The following TMPRSS3 variants were observed in gnomAD, a reference collection of about 807,000 sequenced individuals.
TMPRSS3 encodes transmembrane serine protease 3.
A neutral mutation model predicts 59.6 loss-of-function variants in TMPRSS3; 55 were observed. The ratio of observed to expected loss-of-function variants is 0.92; its 90% CI spans 0.74 to 1.16. TMPRSS3 has a LOEUF of 1.16. Among genes scored for constraint, TMPRSS3 ranks in the 50% most tolerant of loss-of-function variants. The pLI is 0.00. For missense variants in TMPRSS3, 596 were observed against 579.4 expected (o/e 1.03, Z -0.29); for synonymous variants, 257 against 237.7 (o/e 1.08, Z -0.75).
At chr21:42,382,446 C>T in intron 8 of TMPRSS3, 1 of 592,854 alleles carries the variant, frequency 1.7e-6, no homozygotes, top group South Asian at 1.9e-5. Context: ...CCAGACCTCA[C>T]TCTCAGCACC....
chr21:42,374,195 A>G (rs1375969725), intron 12 of TMPRSS3, among the ~76,000 whole-genome samples: 2 of 152,162 alleles, frequency 1.3e-5, no homozygotes, highest in Admixed American at 6.5e-5. Context: ...TTTATACTGA[A>G]GAGCATAGCA....
At position 42,389,959 on chromosome 21, in the gene TMPRSS3, G is replaced by T; in HGVS notation, c.173C>A (p.Ala58Glu). The T allele has an allele frequency of 6.2e-7, 1 of 1,613,930 alleles. No individual in the cohort carries two copies. The highest frequency in any genetic ancestry group is 8.5e-7 in the Non-Finnish European group (1 of 1,179,762). The change falls in exon 3 of 13, where the codon GCA becomes GAA. Residue 58 changes from alanine to glutamate, a missense_variant. Ala to Glu is a moderately radical substitution (Grantham distance 107, BLOSUM62 -1). Coordinates refer to ENST00000644384, the MANE Select transcript of TMPRSS3 (RefSeq NM_001256317.3). ...ACCAATGGCCAGTGCTAATATCAATGCAATGATCCCAATGACGATGATTGG... is the reference window on the plus strand; with the variant it reads ...ACCAATGGCCAGTGCTAATATCAATTCAATGATCCCAATGACGATGATTGG... The part of the protein sequence containing the change: ...FFPIIVIGII[A>E]LILALAIGLG...
At chr21:42,380,291 C>A (rs1477357836) in intron 9 of TMPRSS3, 79 bp from the exon 10 acceptor site, 1 of 1,174,004 alleles carries the variant, frequency 8.5e-7, no homozygotes, top group African/African-American at 1.5e-5. Flanking sequence ...GCTTCTGCCT[C>A]TGAGGAGCCC....
intron 7 of TMPRSS3, chr21:42,383,489 G>T (rs541021784): frequency 2.4e-4 from 135 of 554,084 alleles, no homozygotes; most frequent in Admixed American, 1.3e-3. Flanking sequence ...TTCCCCCAGT[G>T]ATGACAACAC....
chr21:42,383,525 A>G, intron 7 of TMPRSS3: 1 of 521,970 alleles, frequency 1.9e-6, no homozygotes, highest in Non-Finnish European at 3.5e-6. Context: ...GCAGGCAGGA[A>G]CCTTCTGCAG....
chr21:42,378,027 G>C (rs958185597), intron 10 of TMPRSS3, among the ~76,000 whole-genome samples: 2 of 152,246 alleles, frequency 1.3e-5, no homozygotes, highest in Non-Finnish European at 2.9e-5. Flanking sequence ...TCCGGAATGA[G>C]AGCCCACCAT....
At chr21:42,391,802 T>A (rs1358117889) in intron 2 of TMPRSS3, among the ~76,000 whole-genome samples, 15 of 152,140 alleles carry the variant, frequency 9.9e-5, no homozygotes, top group Admixed American at 9.8e-4. Context: ...CAGGCTAAAT[T>A]TTGGCTTGCA....
chr21:42,376,124 C>T (rs1048561938), intron 11 of TMPRSS3, among the ~76,000 whole-genome samples: 3 of 152,190 alleles, frequency 2.0e-5, no homozygotes, highest in Admixed American at 2.0e-4. Flanking sequence ...AGACCCTGAC[C>T]CTCTGAAGCT....
chr21:42,385,052 C>CCTTCCTCCCTCT (rs2052607515), intron 6 of TMPRSS3, among the ~76,000 whole-genome samples: 4 of 125,408 alleles, frequency 3.2e-5, no homozygotes, highest in Non-Finnish European at 6.8e-5. Context: ...TCCCTCCCTT[C>CCTTCCTCCCTCT]CTTCCTCCCT....
chr21:42,380,048 G>A (rs1352995948), intron 10 of TMPRSS3, 69 bp downstream of exon 10: 2 of 1,334,270 alleles, frequency 1.5e-6, no homozygotes, highest in African/African-American at 1.4e-5. Flanking sequence ...GGGACATTGG[G>A]GGAGCCCCCT....
At chr21:42,383,330 G>T in intron 7 of TMPRSS3, 132 bp from the exon 8 acceptor site, 1 of 968,520 alleles carries the variant, frequency 1.0e-6, no homozygotes, top group South Asian at 1.5e-5. Context: ...GCAGCTCTAA[G>T]ACAAGTGCTG....
Position 42,388,416 on chromosome 21 carries a change from G to C in TMPRSS3, c.433C>G (p.Leu145Val). The change falls in exon 5 of 13, where the codon CTG (leucine) becomes GTG (valine). Residue 145 changes from leucine (L) to valine (V), a missense_variant. Coordinates refer to ENST00000644384, the MANE Select transcript of TMPRSS3 (RefSeq NM_001256317.3). The surrounding 1 kb of genome is among the most constrained non-coding windows in gnomAD (Gnocchi z 5.1). Reference sequence around the variant, plus strand: ...TCTTTAACTTACCTTGGGAAACCCAGTTGGGCACAGGCAACATTTGCGTAG... The same window carrying C: ...TCTTTAACTTACCTTGGGAAACCCACTTGGGCACAGGCAACATTTGCGTAG... ...GHYANVACAQ[L>V]GFPSYVSSDN... 6.2e-7 allele frequency: 1 copy of C among 1,614,248 alleles called. No individual in the cohort carries two copies. The highest frequency in any genetic ancestry group is 8.5e-7 in the Non-Finnish European group (1 of 1,180,050).
At chr21:42,380,261 G>T in intron 9 of TMPRSS3, 49 bp from the exon 10 acceptor site, 3 of 1,481,036 alleles carry the variant, frequency 2.0e-6, no homozygotes, top group South Asian at 1.2e-5. Context: ...GCAGGAGTCC[G>T]AGAAAACAAT....
intron 9 of TMPRSS3, chr21:42,381,861 T>C (rs1179847575): frequency 1.4e-6 from 1 of 728,468 alleles, no homozygotes; most frequent in African/African-American, 1.7e-5. Context: ...GAAAATCACT[T>C]GTCATACCAA....
intron 10 of TMPRSS3, among the ~76,000 whole-genome samples, chr21:42,377,635 G>A (rs1306160125): frequency 6.6e-6 from 1 of 152,218 alleles, no homozygotes; most frequent in Non-Finnish European, 1.5e-5. Context: ...CCGAGGGATG[G>A]ACCCCTCCAA....
At chr21:42,391,666 G>T (rs2052736929) in intron 2 of TMPRSS3, among the ~76,000 whole-genome samples, 1 of 152,224 alleles carries the variant, frequency 6.6e-6, no homozygotes, top group Admixed American at 6.5e-5. Flanking sequence ...GCCTCTGTGG[G>T]ACTGAGAAGG....
At chr21:42,389,185 T>C in intron 3 of TMPRSS3, 140 bp from the exon 4 acceptor site, 2 of 1,512,988 alleles carry the variant, frequency 1.3e-6, no homozygotes, top group Non-Finnish European at 1.8e-6. Context: ...GTCAGCAGCC[T>C]GTTTCCTGCA....
In TMPRSS3 at chr21:42,396,013, C is replaced by G. The variant is rs758790604; in HGVS notation, c.-123G>C. ...GTAGGCCACAGTGTTACTGGCTTCC[C>G]ATAAACACAGCCCTTTCCTGGCTCA... On this transcript the variant is annotated 5_prime_UTR_variant, in exon 1 of 13. It removes an upstream start codon present in the reference 5' UTR. Transcript: ENST00000644384. The G allele has an allele frequency of 1.9e-6, 1 of 519,002 alleles. No homozygotes were observed. The highest frequency in any genetic ancestry group is 1.4e-5 in the South Asian group (1 of 71,580). 32.1% of individuals were successfully genotyped at this position (519,002 alleles called of 1,614,324 possible).
chr21:42,379,525 A>G (rs1350352567), intron 10 of TMPRSS3, among the ~76,000 whole-genome samples: 2 of 152,272 alleles, frequency 1.3e-5, no homozygotes, highest in East Asian at 3.9e-4. Flanking sequence ...CGGAAAATGA[A>G]TCCTCTTCCT....
Sources: gnomAD v4.1 joint callset for allele counts (sites outside exome capture counted in the v4.1 genomes callset) on GRCh38, gnomAD v4.1.1 for gene constraint, Gnocchi (gnomAD v3.1) non-coding constraint, MANE v1.5 for transcripts, NCBI Gene and HGNC (gene_info 2026-07-23, HGNC 2026-07-21) for gene names.